STRN3: variants seen among roughly 807,000 people sequenced by gnomAD.
STRN3 encodes the protein striatin-3.
STRN3 carries 29 observed loss-of-function variants against 95.6 expected under a neutral mutation model. That is an observed-to-expected ratio of 0.30 (90% CI 0.23 to 0.41). The LOEUF (loss-of-function observed/expected upper bound fraction) is 0.41, where lower values mean the gene tolerates loss of function less well. Ranked by LOEUF, STRN3 falls within the 10% of genes least tolerant of loss-of-function variation. STRN3 has a pLI of 1.00. For synonymous variants in STRN3, 331 were observed against 357.6 expected, an observed-to-expected ratio of 0.93 and a Z score of 0.84; for missense variants, 890 against 972.1, an observed-to-expected ratio of 0.92 and a Z score of 1.12.
intron 1 of STRN3, among the ~76,000 whole-genome samples, chr14:30,964,929 A>AG (rs1477836233): frequency 6.6e-6 from 1 of 151,714 alleles, no homozygotes. Context: ...TCAAAAAAAA[A>AG]AAGAAAAAAA....
rs551623713 is a variant in STRN3, at chr14:30,991,877, G to A, written c.282+34027C>T. Among the ~76,000 whole-genome samples, 25 of 150,954 alleles carry A rather than the reference G, an allele frequency of 1.7e-4. No individual in the cohort carries two copies. The South Asian group carries it at 5.2e-3, about 31-fold the overall frequency. On this transcript the variant is annotated intron_variant, in intron 1 of 17. Coordinates refer to ENST00000357479, the MANE Select transcript of STRN3 (RefSeq NM_001083893.2). ...ACTTGGGGAGGCATGCTTGTGGCCA[G>A]GAGTCCAAGACCAGCCTAGTCAACA...
At chr14:31,015,943 G>A (rs1049789034) in intron 1 of STRN3, among the ~76,000 whole-genome samples, 9 of 152,120 alleles carry the variant, frequency 5.9e-5, no homozygotes, top group Non-Finnish European at 1.2e-4. Flanking sequence ...TGGGACTTCA[G>A]GCACATGCTA....
intron 8 of STRN3, among the ~76,000 whole-genome samples, chr14:30,919,558 A>G (rs1468697430): frequency 6.6e-6 from 1 of 152,194 alleles, no homozygotes; most frequent in Non-Finnish European, 1.5e-5. Context: ...AGGAATAAGT[A>G]CGAGTAATTT....
rs116789128 is a variant in STRN3 at position 30,903,963 on chromosome 14, T to G, written c.2030-1320A>C. ...GGGGTAAATAAAATGAGAAACAATT[T>G]TGTTGAGAACCAAGATAAATCTGAA... On this transcript the variant is annotated intron_variant, in intron 15 of 17. Coordinates refer to ENST00000357479, the MANE Select transcript of STRN3 (RefSeq NM_001083893.2). Among the ~76,000 whole-genome samples, 323 of 152,344 alleles carry G rather than the reference T, an allele frequency of 2.1e-3. 1 individual carries two copies. Among genetic ancestry groups the G allele is most frequent in the African/African-American group, 7.4e-3 (309 of 41,576 alleles).
At chr14:30,924,235 A>G (rs977013196) in intron 8 of STRN3, among the ~76,000 whole-genome samples, 5 of 1,982 alleles carry the variant, frequency 2.5e-3, no homozygotes, top group African/African-American at 4.5e-3. Flanking sequence ...ACAAAAAAAC[A>G]AAAAACAACA....
At chr14:30,911,669 C>T in intron 12 of STRN3, 108 bp downstream of exon 12, 3 of 971,186 alleles carry the variant, frequency 3.1e-6, no homozygotes, top group Non-Finnish European at 3.0e-6. Context: ...TCAAGTAATA[C>T]ATCTTTTCTA....
At chr14:30,909,173 A>C (rs541442141) in intron 13 of STRN3, among the ~76,000 whole-genome samples, 1 of 152,354 alleles carries the variant, frequency 6.6e-6, no homozygotes, top group East Asian at 1.9e-4. Flanking sequence ...GAACATAGTA[A>C]AAACTACTGA....
chr14:30,994,878 A>G (rs1272886166), intron 1 of STRN3, among the ~76,000 whole-genome samples: 2 of 152,262 alleles, frequency 1.3e-5, no homozygotes, highest in Non-Finnish European at 2.9e-5. Flanking sequence ...CTTATTAAGA[A>G]CATCTCTATT....
intron 1 of STRN3, among the ~76,000 whole-genome samples, chr14:31,006,725 T>G (rs1249663575): frequency 1.3e-5 from 2 of 149,412 alleles, no homozygotes; most frequent in African/African-American, 2.5e-5. Context: ...GAAATTCAAA[T>G]CACACATACA....
At chr14:30,931,049 C>T (rs1238253695) in intron 7 of STRN3, among the ~76,000 whole-genome samples, 1 of 152,018 alleles carries the variant, frequency 6.6e-6, no homozygotes, top group East Asian at 1.9e-4. Flanking sequence ...CTGTGAATAG[C>T]TCTAACTATA....
intron 1 of STRN3, among the ~76,000 whole-genome samples, chr14:30,963,215 C>T (rs1449867278): frequency 6.6e-6 from 1 of 152,036 alleles, no homozygotes; most frequent in African/African-American, 2.4e-5. Context: ...AGATTCAATA[C>T]CCCACTCTAA....
At chr14:30,915,084 T>A (rs774324541) in intron 9 of STRN3, among the ~76,000 whole-genome samples, 1 of 152,000 alleles carries the variant, frequency 6.6e-6, no homozygotes, top group Non-Finnish European at 1.5e-5. Context: ...ACTCAATATA[T>A]CAAAACACAC....
At chr14:30,968,411 G>A (rs755912343) in intron 1 of STRN3, among the ~76,000 whole-genome samples, 32 of 150,170 alleles carry the variant, frequency 2.1e-4, no homozygotes, top group Non-Finnish European at 4.7e-4. Context: ...AACAGGCGTG[G>A]TGGCTCATGC....
At chr14:30,958,348 A>C (rs1880023704) in intron 1 of STRN3, among the ~76,000 whole-genome samples, 1 of 152,200 alleles carries the variant, frequency 6.6e-6, no homozygotes, top group South Asian at 2.1e-4. Flanking sequence ...AAGCAGCTAC[A>C]TGACACTTAT....
chr14:30,967,037 A>T (rs1359732475), intron 1 of STRN3, among the ~76,000 whole-genome samples: 2 of 151,538 alleles, frequency 1.3e-5, no homozygotes, highest in African/African-American at 4.9e-5. Flanking sequence ...CCCTGGTTTG[A>T]GGGGTTGAGG....
At chr14:30,979,357 G>A (rs1881273711) in intron 1 of STRN3, among the ~76,000 whole-genome samples, 1 of 152,144 alleles carries the variant, frequency 6.6e-6, no homozygotes. Context: ...AACGGACTGT[G>A]TAGTTGCTTC....
chr14:30,966,188 G>A (rs994384044), intron 1 of STRN3, among the ~76,000 whole-genome samples: 8 of 150,390 alleles, frequency 5.3e-5, no homozygotes, highest in Non-Finnish European at 8.8e-5. Flanking sequence ...AACCCTAGCC[G>A]ACAGGGGAAC....
rs1566493159 is a variant in STRN3, at chr14:31,013,867, TTATTATTATTA to T, written c.282+12026_282+12036del. 4.7e-3 allele frequency among the ~76,000 whole-genome samples: 432 copies of T among 92,716 alleles called. 4 individuals are homozygous for T. Among genetic ancestry groups the T allele is most frequent in the Middle Eastern group, 0.016 (3 of 182 alleles). 60.8% of individuals were successfully genotyped at this position (92,716 alleles called of 152,430 possible). ...GCCTTGGCTTCTCAAAGCAATTTTA[TTATTATTATTA>T]TTATTATTATTATTATTATTATTAT... is the stretch of plus-strand genomic sequence containing the variant. On this transcript the variant is annotated intron_variant, in intron 1 of 17. Transcript: ENST00000357479.
intron 16 of STRN3, among the ~76,000 whole-genome samples, chr14:30,897,568 G>C (rs973747572): frequency 6.6e-6 from 1 of 152,362 alleles, no homozygotes; most frequent in Middle Eastern, 3.4e-3. Context: ...CTGGGTGACA[G>C]AGTGAGACTC....
Sources: gnomAD v4.1 joint callset for allele counts (sites outside exome capture counted in the v4.1 genomes callset) on GRCh38, gnomAD v4.1.1 for gene constraint, MANE v1.5 for transcripts, NCBI Gene and HGNC (gene_info 2026-07-23, HGNC 2026-07-21) for gene names.